SMG5: variants seen among roughly 807,000 people sequenced by gnomAD.
SMG5 encodes nonsense-mediated mRNA decay factor SMG5.
SMG5 carries 53 observed loss-of-function variants against 122.9 expected under a neutral mutation model. The observed-to-expected ratio is 0.43, with a 90% CI of 0.35 to 0.54. SMG5 has a LOEUF of 0.54. SMG5 is among the 20% of genes least tolerant of loss of function. SMG5 has a pLI of 0.01. For missense variants in SMG5, 1,153 were observed against 1,285.6 expected (o/e 0.90, Z 1.58); for synonymous variants, 477 against 490.2 (o/e 0.97, Z 0.35).
intron 17 of SMG5, 59 bp from the exon 18 acceptor site, chr1:156,253,137 G>A: frequency 1.3e-6 from 2 of 1,499,130 alleles, no homozygotes; most frequent in Non-Finnish European, 1.8e-6. Flanking sequence ...CGGGCCGGGG[G>A]AAGAGTGGTG....
intron 7 of SMG5, among the ~76,000 whole-genome samples, chr1:156,271,978 C>T (rs1215848929): frequency 1.3e-5 from 2 of 152,150 alleles, no homozygotes; most frequent in Non-Finnish European, 2.9e-5. Flanking sequence ...CGTATATTAC[C>T]ACATTAACAC....
intron 1 of SMG5, among the ~76,000 whole-genome samples, chr1:156,281,444 C>T (rs1372008385): frequency 1.3e-5 from 2 of 152,216 alleles, no homozygotes; most frequent in African/African-American, 4.8e-5. Flanking sequence ...ACTCCTCACC[C>T]GCCTGGGGAC....
intron 16 of SMG5, among the ~76,000 whole-genome samples, chr1:156,256,541 T>A (rs566721719): frequency 5.9e-5 from 9 of 152,150 alleles, no homozygotes; most frequent in African/African-American, 2.2e-4. Context: ...TGAAACTCCA[T>A]ATTCAAGAGA....
chr1:156,260,587 C>A lies in SMG5; in HGVS notation c.2147G>T (p.Gly716Val), dbSNP rs759857663. 6.6e-7 allele frequency: 1 copy of A among 1,524,206 alleles called. No individual in the cohort carries two copies. The highest frequency in any genetic ancestry group is 8.8e-7 in the Non-Finnish European group (1 of 1,141,824). The allele number at this position is 1,524,206 out of a possible 1,614,324, so 94.4% of individuals were successfully genotyped here. The change falls in exon 15 of 22, where the codon GGT (glycine) becomes GTT (valine). Residue 716 changes from glycine (G) to valine (V), a missense_variant. Coordinates refer to ENST00000361813, the MANE Select transcript of SMG5 (RefSeq NM_015327.3). Reference protein sequence around the residue: ...LCPEVQDLLEGCELPDLPSSL... With the variant: ...LCPEVQDLLEVCELPDLPSSL... Reference sequence around the variant, plus strand: ...AGAGGGGAGGTCAGGCAGTTCACAACCTTCAAGAAGATCTTGGACCTCAGG... The same window carrying A: ...AGAGGGGAGGTCAGGCAGTTCACAAACTTCAAGAAGATCTTGGACCTCAGG...
intron 18 of SMG5, 63 bp from the exon 19 acceptor site, chr1:156,252,567 G>A: frequency 6.5e-7 from 1 of 1,543,464 alleles, no homozygotes. Flanking sequence ...AAGGGGCTCT[G>A]GAGGAAGTAT....
chr1:156,263,675 C>T lies in SMG5; in HGVS notation c.1856-105G>A, dbSNP rs878959888. On this transcript the variant is annotated intron_variant, in intron 12 of 21. Transcript: ENST00000361813. ...GAGCATGCTTCCACCTGGCCTGGGC[C>T]CTTCCAAGGAATTTGGATATGAAAA... 7 of 1,274,494 alleles carry T rather than the reference C, an allele frequency of 5.5e-6. No homozygotes were observed. In the South Asian group the frequency reaches 1.0e-4, roughly 18 times the overall value. The allele number at this position is 1,274,494 out of a possible 1,614,324, so 78.9% of individuals were successfully genotyped here. A position where few individuals can be genotyped will look rare whatever the true frequency, so the allele number is the denominator to read the frequency against.
Position 156,272,378 on chromosome 1 carries a change from C to A in SMG5, c.655G>T (p.Gly219Cys). The A allele has an allele frequency of 6.2e-7, 1 of 1,602,696 alleles. No homozygotes were observed. The highest frequency in any genetic ancestry group is 8.5e-7 in the Non-Finnish European group (1 of 1,173,348). Residue 219 changes from glycine to cysteine, a missense_variant, in exon 7 of 22, where the codon GGC (glycine) becomes TGC (cysteine). This residue lies in a region of SMG5 where 85 missense variants were observed against 127.3 expected (regional missense o/e 0.67). Transcript: ENST00000361813. The part of the protein sequence containing the change: ...PQIGMPFNQL[G>C]TLAGSKYYNV... ...TAGTACTTGCTGCCTGCCAGGGTGC[C>A]CAGCTGATTGAAGGGCATTCCTAGG...
intron 12 of SMG5, among the ~76,000 whole-genome samples, chr1:156,265,237 A>AC (rs1662071524): frequency 7.0e-6 from 1 of 142,236 alleles, no homozygotes; most frequent in Non-Finnish European, 1.6e-5. Flanking sequence ...AAAAAAAAAA[A>AC]AACTTTGGAA....
At position 156,266,260 on chromosome 1, in the gene SMG5, A is replaced by C. The variant is rs772733413; in HGVS notation, c.1376T>G (p.Leu459Arg). The change falls in exon 12 of 22, where the codon CTC becomes CGC. Residue 459 changes from leucine to arginine, a missense_variant. This residue lies in a region of SMG5 where 631 missense variants were observed against 650.6 expected (regional missense o/e 0.97). Transcript: ENST00000361813. ...KSRKFSRLSC[L>R]RRRRHPPKVG... ...TTTGGGTGGGTGGCGGCGACGGCGG[A>C]GACAGGAGAGGCGAGAGAACTTACG... 1.2e-6 allele frequency: 2 copies of C among 1,614,170 alleles called. No homozygotes were observed. The highest frequency in any genetic ancestry group is 1.1e-5 in the South Asian group (1 of 91,082).
At position 156,263,563 on chromosome 1, in the gene SMG5, C is replaced by T. The variant is rs916412058; in HGVS notation, c.1863G>A (p.Glu621=). Residue 621 remains glutamate (E), a synonymous_variant, in exon 13 of 22, where the codon GAG becomes GAA. Coordinates refer to ENST00000361813, the MANE Select transcript of SMG5 (RefSeq NM_015327.3). ...CACTCCCCTCCGACTCAGAGCCCTC[C>T]TCAGAGGCTGGGGGGTGGGTGAATG... ...DVDKPSEPAS[E]EGSESEGSES... The T allele has an allele frequency of 1.2e-6, 2 of 1,613,048 alleles. No individual in the cohort carries two copies. The highest frequency in any genetic ancestry group is 1.7e-6 in the Non-Finnish European group (2 of 1,179,362).
chr1:156,273,720 T>TTC (rs1205887401), intron 5 of SMG5, among the ~76,000 whole-genome samples: 3 of 85,276 alleles, frequency 3.5e-5, no homozygotes, highest in Non-Finnish European at 9.2e-5. Context: ...TTTGTTTTCT[T>TTC]TTTTTTTTTT....
At position 156,279,029 on chromosome 1, in the gene SMG5, A is replaced by G. The variant is rs761310879; in HGVS notation, c.80T>C (p.Val27Ala). Residue 27 changes from valine to alanine, a missense_variant, in exon 2 of 22, where the codon GTG becomes GCG. By Grantham distance (64) the Val-to-Ala change is moderately conservative. Around this residue, in one of 5 missense-constraint regions of SMG5, gnomAD observed 213 missense variants for 197.5 expected, o/e 1.08. Transcript: ENST00000361813. The part of the protein sequence containing the change: ...VLHTKRLYRA[V>A]VEAVHRLDLI... ...GTCAAGTCGATGCACAGCCTCCACC[A>G]CAGCCCTGTAGGGAAATACAGGCAA... The G allele has an allele frequency of 1.2e-6, 2 of 1,614,030 alleles. No individual in the cohort carries two copies. The highest frequency in any genetic ancestry group is 1.7e-6 in the Non-Finnish European group (2 of 1,179,918).
At chr1:156,282,941 A>G (rs1418574803), upstream of SMG5, 2 of 540,904 alleles carry the variant, frequency 3.7e-6, no homozygotes, top group East Asian at 3.1e-5. Flanking sequence ...TGCCAGAACT[A>G]ACTCTGGGCA....
At chr1:156,280,492 T>C (rs1662888568) in intron 1 of SMG5, among the ~76,000 whole-genome samples, 2 of 152,228 alleles carry the variant, frequency 1.3e-5, no homozygotes, top group Admixed American at 6.5e-5. Context: ...TTCTTCAAAC[T>C]GGACAGCCTA....
At chr1:156,251,018 G>A in intron 20 of SMG5, 22 bp from the exon 21 acceptor site, 1 of 1,610,608 alleles carries the variant, frequency 6.2e-7, no homozygotes, top group East Asian at 2.2e-5. Context: ...GGGCAGAGGG[G>A]AAGATGGGCC....
intron 3 of SMG5, 136 bp from the exon 4 acceptor site, chr1:156,277,377 C>T (rs756002191): frequency 1.5e-4 from 147 of 989,034 alleles, no homozygotes; most frequent in Non-Finnish European, 2.1e-4. Flanking sequence ...CTGTCATACT[C>T]TTAGCTCTAA....
Position 156,266,607 on chromosome 1 carries a change from T to A in SMG5, c.1189A>T (p.Ile397Leu), listed in dbSNP as rs767697196. The A allele has an allele frequency of 2.0e-5, 33 of 1,614,030 alleles. No homozygotes were observed. The highest frequency in any genetic ancestry group is 2.8e-5 in the Non-Finnish European group (33 of 1,180,032). Residue 397 changes from isoleucine (I) to leucine (L), a missense_variant, in exon 11 of 22, where the codon ATA becomes TTA. By Grantham distance (5) the Ile-to-Leu change is conservative. Around this residue, in one of 5 missense-constraint regions of SMG5, gnomAD observed 631 missense variants for 650.6 expected, o/e 0.97. Coordinates refer to ENST00000361813, the MANE Select transcript of SMG5 (RefSeq NM_015327.3). ...TCTTCCAGCTCAGCCTGCAGCCGTA[T>A]GTTGACATGATTGACGAGGTGGGAA... ...LFSHLVNHVN[I>L]RLQAELEEGE... is the part of the protein sequence containing the mutation.
intron 20 of SMG5, 166 bp downstream of exon 20, chr1:156,251,237 G>T: frequency 1.1e-6 from 1 of 939,384 alleles, no homozygotes; most frequent in Non-Finnish European, 1.7e-6. Context: ...AAGCTCAGGT[G>T]CTGCGGCAAC....
Position 156,282,803 on chromosome 1 carries a change from G to A in SMG5, c.-123C>T, listed in dbSNP as rs1048079176. ...CCACCGGCCCTGCTCGGCCGCCATC[G>A]CTGTGAGGCGGCTGCCCGCGACAGC... On this transcript the variant is annotated 5_prime_UTR_variant, in exon 1 of 22. Transcript: ENST00000361813. The A allele has an allele frequency of 3.7e-6, 4 of 1,079,322 alleles. No individual in the cohort carries two copies. The highest frequency in any genetic ancestry group is 2.8e-5 in the East Asian group (1 of 36,012). 66.9% of individuals were successfully genotyped at this position (1,079,322 alleles called of 1,614,324 possible). A position where few individuals can be genotyped will look rare whatever the true frequency, so the allele number is the denominator to read the frequency against.
Sources: gnomAD v4.1 joint callset for allele counts (sites outside exome capture counted in the v4.1 genomes callset) on GRCh38, gnomAD v4.1.1 for gene constraint, gnomAD v4.1.1 regional missense constraint, MANE v1.5 for transcripts, NCBI Gene and HGNC (gene_info 2026-07-23, HGNC 2026-07-21) for gene names.